CNTN5: variants seen among roughly 807,000 people sequenced by gnomAD.
CNTN5 encodes contactin 5.
In CNTN5, 77 loss-of-function variants were observed where a neutral mutation model predicts 129.1. The observed-to-expected ratio is 0.60, with a 90% CI of 0.50 to 0.72. CNTN5 has a LOEUF of 0.72. CNTN5 is among the 30% of genes least tolerant of loss of function. CNTN5 has a pLI of 0.00. For synonymous variants in CNTN5, 509 were observed against 465.6 expected (o/e 1.09, Z -1.20); for missense variants, 1,478 against 1,328.8 (o/e 1.11, Z -1.75).
chr11:99,133,615 C>CAAAAAAAAAAAAAAAAAAAAA lies in CNTN5; in HGVS notation c.-210+112347_-210+112348insAAAAAAAAAAAAAAAAAAAAA, dbSNP rs566769880. 1.9e-5 allele frequency among the ~76,000 whole-genome samples: 2 copies of CAAAAAAAAAAAAAAAAAAAAA among 106,008 alleles called. 1 individual carries two copies. The allele number at this position is 106,008 out of a possible 152,430, so 69.5% of individuals were successfully genotyped here. A position where few individuals can be genotyped will look rare whatever the true frequency, so the allele number is the denominator to read the frequency against. The stretch of plus-strand genomic sequence containing the variant: ...GCAAAGGATAGGAACAGACACTTCT[C>CAAAAAAAAAAAAAAAAAAAAA]AAGAAAAAAAAAAGACCATACATGC... On this transcript the variant is annotated intron_variant, in intron 1 of 24. Transcript: ENST00000524871.
At chr11:99,179,180 G>A (rs115766109) in intron 1 of CNTN5, among the ~76,000 whole-genome samples, 2,611 of 152,212 alleles carry the variant, frequency 0.017, 61 homozygotes, top group African/African-American at 0.058. Flanking sequence ...AGTGACTCAC[G>A]CCTGTAATCC....
chr11:100,101,367 A>T (rs182578991), intron 13 of CNTN5, among the ~76,000 whole-genome samples: 112 of 152,220 alleles, frequency 7.4e-4, no homozygotes, highest in African/African-American at 2.6e-3. Flanking sequence ...GGATAAGATT[A>T]AAGTGAATTA....
chr11:99,821,317 G>A (rs930231768), intron 4 of CNTN5, among the ~76,000 whole-genome samples: 2 of 152,122 alleles, frequency 1.3e-5, no homozygotes, highest in Admixed American at 1.3e-4. Context: ...TAAATATTGG[G>A]ACATAAGATG....
chr11:99,933,281 T>G (rs1411606283), intron 7 of CNTN5, among the ~76,000 whole-genome samples: 1 of 152,200 alleles, frequency 6.6e-6, no homozygotes, highest in Non-Finnish European at 1.5e-5. Context: ...AATTAATATT[T>G]GAGTCAACCC....
intron 3 of CNTN5, among the ~76,000 whole-genome samples, chr11:99,563,000 A>C (rs1301375893): frequency 6.6e-6 from 1 of 152,212 alleles, no homozygotes; most frequent in Non-Finnish European, 1.5e-5. Context: ...CTCAACAACT[A>C]TGGATGTAAT....
At chr11:99,610,425 C>G (rs1177057778) in intron 3 of CNTN5, among the ~76,000 whole-genome samples, 1 of 152,014 alleles carries the variant, frequency 6.6e-6, no homozygotes, top group African/African-American at 2.4e-5. Flanking sequence ...ATAATGGGAT[C>G]CAAATGATGA....
rs556816714 is a variant in CNTN5, at chr11:100,156,574, A to G, written c.1581-34552A>G. ...ATTGTTTGGAATAGTTTCAGAAGGA[A>G]TGGTACCAGCTCCTCTTTGTACCTC... On this transcript the variant is annotated intron_variant, in intron 13 of 24. Transcript: ENST00000524871. Among the ~76,000 whole-genome samples the G allele has an allele frequency of 1.4e-4, 22 of 152,192 alleles. No homozygotes were observed. In the South Asian group the frequency reaches 4.4e-3, roughly 30 times the overall value.
At chr11:99,614,641 A>T (rs1046209286) in intron 3 of CNTN5, among the ~76,000 whole-genome samples, 1 of 152,176 alleles carries the variant, frequency 6.6e-6, no homozygotes, top group Non-Finnish European at 1.5e-5. Flanking sequence ...GCTTTGCTGG[A>T]TGTTTCTGCG....
intron 2 of CNTN5, among the ~76,000 whole-genome samples, chr11:99,537,318 C>A (rs961724337): frequency 6.6e-6 from 1 of 152,084 alleles, no homozygotes; most frequent in Non-Finnish European, 1.5e-5. Flanking sequence ...GCAAATAAAT[C>A]GTCTTAATGA....
Position 99,965,891 on chromosome 11 carries a change from A to C in CNTN5, c.877+8882A>C, listed in dbSNP as rs1339067956. On this transcript the variant is annotated intron_variant, in intron 8 of 24. Transcript: ENST00000524871. ...TATGATTGAAAAGTACGTTCATAAG[A>C]AGGACACTTTCCTGAATGTTTTCCT... Among the ~76,000 whole-genome samples the C allele has an allele frequency of 2.0e-5, 3 of 152,174 alleles. No individual in the cohort carries two copies. In the East Asian group the frequency reaches 5.8e-4, roughly 29 times the overall value.
At chr11:99,090,910 T>G (rs951007167) in intron 1 of CNTN5, among the ~76,000 whole-genome samples, 1 of 149,924 alleles carries the variant, frequency 6.7e-6, no homozygotes, top group African/African-American at 2.5e-5. Context: ...TGGTCCCAGC[T>G]ATTCAGGAGG....
chr11:99,939,248 T>C (rs1950381390), intron 7 of CNTN5, among the ~76,000 whole-genome samples: 1 of 152,122 alleles, frequency 6.6e-6, no homozygotes, highest in Non-Finnish European at 1.5e-5. Context: ...AAATTGCTTC[T>C]TCCTCCTTTA....
intron 3 of CNTN5, among the ~76,000 whole-genome samples, chr11:99,777,846 T>A (rs899673840): frequency 1.3e-5 from 2 of 151,834 alleles, no homozygotes; most frequent in Non-Finnish European, 2.9e-5. Flanking sequence ...TGTACGATTT[T>A]ACCTAATCAC....
At chr11:99,558,394 T>G in intron 3 of CNTN5, 1 of 278,886 alleles carries the variant, frequency 3.6e-6, no homozygotes, top group East Asian at 9.3e-5. Context: ...GTTGTTGTTT[T>G]GTTTTTAGCT....
chr11:99,446,523 C>T (rs1345493635), intron 2 of CNTN5, among the ~76,000 whole-genome samples: 4 of 152,028 alleles, frequency 2.6e-5, no homozygotes, highest in Non-Finnish European at 5.9e-5. Context: ...AAGTTATTGG[C>T]CTGCAAATAA....
At chr11:99,990,296 T>C (rs1037439623) in intron 8 of CNTN5, among the ~76,000 whole-genome samples, 1 of 152,148 alleles carries the variant, frequency 6.6e-6, no homozygotes, top group African/African-American at 2.4e-5. Flanking sequence ...GATTATAGTG[T>C]AAGCCAGCCC....
At chr11:99,391,431 G>A (rs1546353) in intron 2 of CNTN5, among the ~76,000 whole-genome samples, 34,186 of 151,994 alleles carry the variant, frequency 0.22, 3,917 homozygotes, top group South Asian at 0.33. Flanking sequence ...TAATAGATGG[G>A]CATGAAAAGC....
chr11:100,027,949 T>G (rs1025571924), intron 9 of CNTN5, among the ~76,000 whole-genome samples: 4 of 152,194 alleles, frequency 2.6e-5, no homozygotes, highest in Admixed American at 2.0e-4. Flanking sequence ...CAGTAAAAAG[T>G]GAATGAAAGA....
At chr11:99,447,889 C>T (rs924030903) in intron 2 of CNTN5, among the ~76,000 whole-genome samples, 10 of 152,124 alleles carry the variant, frequency 6.6e-5, no homozygotes, top group African/African-American at 2.4e-4. Flanking sequence ...CGTGCCATTG[C>T]ACTCCTGCCT....
Sources: gnomAD v4.1 joint callset for allele counts (sites outside exome capture counted in the v4.1 genomes callset) on GRCh38, gnomAD v4.1.1 for gene constraint, MANE v1.5 for transcripts, NCBI Gene and HGNC (gene_info 2026-07-23, HGNC 2026-07-21) for gene names.